The following CSMD1 variants were observed in gnomAD, a reference collection of about 807,000 sequenced individuals.
CSMD1 encodes the protein CUB and sushi domain-containing protein 1.
CSMD1 carries 213 observed loss-of-function variants against 417.5 expected under a neutral mutation model. The observed-to-expected ratio is 0.51, with a 90% CI of 0.46 to 0.57. CSMD1 has a LOEUF of 0.57. Ranked by LOEUF, CSMD1 falls within the 20% of genes least tolerant of loss-of-function variation. CSMD1 has a pLI of 0.00. For missense variants in CSMD1, 6,923 were observed against 4,529.7 expected (o/e 1.53, Z -15.17); for synonymous variants, 2,862 against 1,736.8 (o/e 1.65, Z -16.11).
intron 10 of CSMD1, among the ~76,000 whole-genome samples, chr8:3,516,885 G>C (rs552730432): frequency 1.3e-5 from 2 of 152,294 alleles, no homozygotes; most frequent in South Asian, 4.1e-4. Context: ...CATGTTTATA[G>C]CAGCACAATT....
chr8:4,256,939 G>A (rs999976923), intron 3 of CSMD1, among the ~76,000 whole-genome samples: 1 of 152,144 alleles, frequency 6.6e-6, no homozygotes, highest in Non-Finnish European at 1.5e-5. Context: ...CTTTCCCTCC[G>A]TGGGCTGCTG....
intron 5 of CSMD1, among the ~76,000 whole-genome samples, chr8:3,831,478 G>C (rs9650513): frequency 0.21 from 31,600 of 152,098 alleles, 3,738 homozygotes; most frequent in Middle Eastern, 0.3. Flanking sequence ...ATGATATTGA[G>C]GTACTGAAGC....
At chr8:3,406,614 G>A (rs1031826603) in intron 14 of CSMD1, among the ~76,000 whole-genome samples, 3 of 152,126 alleles carry the variant, frequency 2.0e-5, no homozygotes, top group Non-Finnish European at 2.9e-5. Flanking sequence ...TGACTCTGAC[G>A]CTCTAAGCCT....
chr8:4,076,582 G>C (rs529990665), intron 3 of CSMD1, among the ~76,000 whole-genome samples: 2 of 152,196 alleles, frequency 1.3e-5, no homozygotes, highest in South Asian at 2.1e-4. Flanking sequence ...AATATATTAA[G>C]GATTCATGTC....
chr8:3,639,525 A>G (rs1022760865), intron 7 of CSMD1, among the ~76,000 whole-genome samples: 3 of 152,202 alleles, frequency 2.0e-5, no homozygotes, highest in Non-Finnish European at 4.4e-5. Context: ...CACAGATAAC[A>G]TAATAGGATG....
rs191541523 is a variant in CSMD1, at chr8:3,050,894, C to T, written c.7660+1568G>A. 2.5e-3 allele frequency among the ~76,000 whole-genome samples: 382 copies of T among 152,254 alleles called. 3 individuals are homozygous for T. The highest frequency in any genetic ancestry group is 6.9e-3 in the African/African-American group (287 of 41,536). On this transcript the variant is annotated intron_variant, in intron 50 of 69. Coordinates refer to ENST00000635120, the MANE Select transcript of CSMD1 (RefSeq NM_033225.6). ...TTTATTATTGAAGACTATGTGAATCCTTCTGCTAGTATCACTGGCGCAAAA... is the reference window on the plus strand; with the variant it reads ...TTTATTATTGAAGACTATGTGAATCTTTCTGCTAGTATCACTGGCGCAAAA...
intron 3 of CSMD1, among the ~76,000 whole-genome samples, chr8:4,389,929 A>C (rs1803729053): frequency 6.6e-6 from 1 of 152,190 alleles, no homozygotes; most frequent in African/African-American, 2.4e-5. Context: ...TCTAGGATGA[A>C]TAGCTCTGTG....
chr8:4,360,159 A>G (rs1462478392), intron 3 of CSMD1, among the ~76,000 whole-genome samples: 2 of 152,154 alleles, frequency 1.3e-5, no homozygotes, highest in Admixed American at 6.5e-5. Context: ...AGGATGAACT[A>G]CACGTGAGAG....
At chr8:4,024,188 T>A (rs768856266) in intron 4 of CSMD1, among the ~76,000 whole-genome samples, 1 of 151,850 alleles carries the variant, frequency 6.6e-6, no homozygotes, top group Non-Finnish European at 1.5e-5. Flanking sequence ...TTCATAAATA[T>A]AACAGATAGT....
intron 5 of CSMD1, among the ~76,000 whole-genome samples, chr8:3,890,920 G>A (rs993481130): frequency 7.2e-5 from 11 of 152,132 alleles, no homozygotes; most frequent in African/African-American, 2.7e-4. Flanking sequence ...AGGACTATGT[G>A]CTAGCTACTC....
chr8:3,643,481 T>A (rs1797409645), intron 7 of CSMD1, among the ~76,000 whole-genome samples: 1 of 151,750 alleles, frequency 6.6e-6, no homozygotes, highest in Admixed American at 6.6e-5. Flanking sequence ...GGTAGGCGGA[T>A]CACAAGGTCA....
At chr8:3,970,071 T>A (rs1039657083) in intron 5 of CSMD1, among the ~76,000 whole-genome samples, 10 of 152,202 alleles carry the variant, frequency 6.6e-5, no homozygotes, top group African/African-American at 2.4e-4. Context: ...GTAGTCTATG[T>A]TAGGTGCTGC....
intron 10 of CSMD1, among the ~76,000 whole-genome samples, chr8:3,524,126 TAC>T (rs952533503): frequency 3.2e-5 from 4 of 126,600 alleles, no homozygotes; most frequent in Non-Finnish European, 6.6e-5. Context: ...TATGTGCACA[TAC>T]ATACACACAC....
At chr8:3,553,683 A>G (rs1249980264) in intron 10 of CSMD1, among the ~76,000 whole-genome samples, 1 of 152,238 alleles carries the variant, frequency 6.6e-6, no homozygotes, top group Non-Finnish European at 1.5e-5. Flanking sequence ...AGGGAAACCA[A>G]TTTTAGTAGG....
chr8:3,631,159 T>C (rs1265724531), intron 7 of CSMD1, among the ~76,000 whole-genome samples: 1 of 152,210 alleles, frequency 6.6e-6, no homozygotes, highest in African/African-American at 2.4e-5. Flanking sequence ...CTGTGCACCC[T>C]GGCTAAACCG....
chr8:4,395,915 C>T (rs921887922), intron 3 of CSMD1, among the ~76,000 whole-genome samples: 1 of 152,170 alleles, frequency 6.6e-6, no homozygotes, highest in Non-Finnish European at 1.5e-5. Flanking sequence ...AATTGTAAGT[C>T]TGACAGTTTT....
chr8:3,807,604 A>G (rs532487898), intron 5 of CSMD1, among the ~76,000 whole-genome samples: 1 of 152,326 alleles, frequency 6.6e-6, no homozygotes, highest in East Asian at 1.9e-4. Context: ...TTGTGTTTAA[A>G]TAACATAATT....
intron 4 of CSMD1, among the ~76,000 whole-genome samples, chr8:4,010,095 A>G (rs1384988236): frequency 6.6e-6 from 1 of 152,140 alleles, no homozygotes; most frequent in African/African-American, 2.4e-5. Context: ...CTTCTGACAT[A>G]TTTTCCTTCC....
At chr8:4,449,147 A>G (rs909272745) in intron 2 of CSMD1, among the ~76,000 whole-genome samples, 1 of 152,244 alleles carries the variant, frequency 6.6e-6, no homozygotes, top group Non-Finnish European at 1.5e-5. Flanking sequence ...CAGACTTTGC[A>G]AATATTTAGC....
Sources: gnomAD v4.1 joint callset for allele counts (sites outside exome capture counted in the v4.1 genomes callset) on GRCh38, gnomAD v4.1.1 for gene constraint, MANE v1.5 for transcripts, NCBI Gene and HGNC (gene_info 2026-07-23, HGNC 2026-07-21) for gene names.